The following SCYL2 variants were observed in gnomAD, a reference collection of about 807,000 sequenced individuals.
The protein encoded by SCYL2 is SCY1 like pseudokinase 2, also known as SCY1-like protein 2.
A neutral mutation model predicts 100.4 loss-of-function variants in SCYL2; 36 were observed. The ratio of observed to expected loss-of-function variants is 0.36; its 90% confidence interval spans 0.27 to 0.47. The LOEUF (loss-of-function observed/expected upper bound fraction) is 0.47, where lower values mean the gene tolerates loss of function less well. Ranked by LOEUF, SCYL2 falls within the 20% of genes least tolerant of loss-of-function variation. The pLI is 1.00. For synonymous variants in SCYL2, 330 were observed against 359.2 expected (o/e 0.92, Z 0.92); for missense variants, 902 against 1,083.9 (o/e 0.83, Z 2.36).
At position 100,317,938 on chromosome 12, in the gene SCYL2, A is replaced by G; in HGVS notation, c.1395+13A>G. ...CATTCAGATCCAGGTACAGTATCTG[A>G]TTTGTTTTTCTTTAATGATGATTTT... On this transcript the variant is annotated intron_variant, in intron 10 of 17. Transcript: ENST00000360820. 6.5e-7 allele frequency: 1 copy of G among 1,534,222 alleles called. No individual in the cohort carries two copies. Among genetic ancestry groups the G allele is most frequent in the African/African-American group, 1.4e-5 (1 of 71,514 alleles).
chr12:100,311,776 T>TA (rs1243290528), intron 5 of SCYL2, among the ~76,000 whole-genome samples: 1 of 152,232 alleles, frequency 6.6e-6, no homozygotes, highest in Non-Finnish European at 1.5e-5. Flanking sequence ...TGCCTATTCA[T>TA]ACTTAGAGAA....
At chr12:100,289,044 A>G (rs1336413799) in intron 2 of SCYL2, among the ~76,000 whole-genome samples, 1 of 152,164 alleles carries the variant, frequency 6.6e-6, no homozygotes, top group Non-Finnish European at 1.5e-5. Context: ...AAAATGTGTT[A>G]TAGCAGAAGA....
intron 6 of SCYL2, 36 bp from the exon 7 acceptor site, chr12:100,313,386 T>A: frequency 1.0e-6 from 1 of 965,398 alleles, no homozygotes; most frequent in Non-Finnish European, 1.6e-6. Context: ...TTTTAAATAT[T>A]TTATACTCAT....
At chr12:100,328,017 C>T (rs868165152) in intron 12 of SCYL2, among the ~76,000 whole-genome samples, 60 of 152,232 alleles carry the variant, frequency 3.9e-4, no homozygotes, top group African/African-American at 1.3e-3. Context: ...GTGGCTGACA[C>T]CTGTATTCCC....
intron 1 of SCYL2, among the ~76,000 whole-genome samples, chr12:100,269,295 C>T (rs895840867): frequency 3.3e-5 from 5 of 151,896 alleles, no homozygotes; most frequent in African/African-American, 1.2e-4. Flanking sequence ...TTTGGTTATG[C>T]TACTTCCTCT....
chr12:100,293,218 A>C (rs574677919), intron 3 of SCYL2, among the ~76,000 whole-genome samples: 2 of 152,238 alleles, frequency 1.3e-5, no homozygotes, highest in Admixed American at 6.5e-5. Context: ...CAGCCTATCA[A>C]GTAGCTGGGA....
intron 4 of SCYL2, among the ~76,000 whole-genome samples, chr12:100,301,648 G>A (rs138540749): frequency 5.6e-4 from 85 of 152,350 alleles, no homozygotes; most frequent in South Asian, 1.2e-3. Flanking sequence ...CTATGGTGCA[G>A]ATTAAGTCTG....
chr12:100,281,013 A>G (rs1171116871), intron 1 of SCYL2, among the ~76,000 whole-genome samples: 4 of 126,448 alleles, frequency 3.2e-5, no homozygotes, highest in African/African-American at 1.3e-4. Flanking sequence ...TCCCTTTACC[A>G]TCAGTGTTTT....
chr12:100,337,149 T>C (rs567032956), intron 16 of SCYL2, among the ~76,000 whole-genome samples: 5 of 152,296 alleles, frequency 3.3e-5, no homozygotes, highest in African/African-American at 4.8e-5. Flanking sequence ...TAATGAATGG[T>C]TTTAAAATAA....
chr12:100,335,790 A>G, intron 15 of SCYL2, 21 bp from the exon 16 acceptor site: 1 of 1,604,010 alleles, frequency 6.2e-7, no homozygotes, highest in Non-Finnish European at 8.5e-7. Context: ...TATTTAAATT[A>G]TTGACATTTT....
In SCYL2 at chr12:100,294,988, G is replaced by A. The variant is rs1267460277; in HGVS notation, c.336-3043G>A. 4.0e-5 allele frequency among the ~76,000 whole-genome samples: 6 copies of A among 151,770 alleles called. No individual in the cohort carries two copies. The East Asian group carries it at 9.9e-4, about 25-fold the overall frequency. On this transcript the variant is annotated intron_variant, in intron 3 of 17. Transcript: ENST00000360820. ...GTCTCCTCACTTCTCAGACGGGGTG[G>A]CCGGGCAGAGACGCTCCTCACCTCC... is the stretch of plus-strand genomic sequence containing the variant.
intron 3 of SCYL2, among the ~76,000 whole-genome samples, chr12:100,292,210 G>A (rs1016391874): frequency 1.3e-5 from 2 of 152,152 alleles, no homozygotes; most frequent in Non-Finnish European, 2.9e-5. Context: ...CAAGCTTGTG[G>A]CACTTTTAAT....
intron 11 of SCYL2, among the ~76,000 whole-genome samples, chr12:100,324,240 T>C (rs1042861182): frequency 2.6e-5 from 4 of 152,164 alleles, no homozygotes; most frequent in Admixed American, 6.5e-5. Context: ...CATTATCTCA[T>C]ATTGAAAGCA....
chr12:100,330,924 G>T (rs886777920), intron 13 of SCYL2, among the ~76,000 whole-genome samples: 69 of 151,184 alleles, frequency 4.6e-4, no homozygotes, highest in African/African-American at 1.7e-3. Flanking sequence ...CGCCTTCTTG[G>T]TTCAAGCAAT....
At chr12:100,286,633 G>T (rs2096304745) in intron 2 of SCYL2, among the ~76,000 whole-genome samples, 6 of 152,000 alleles carry the variant, frequency 3.9e-5, no homozygotes. Context: ...ATTATTATAT[G>T]ATAAATAATT....
chr12:100,298,262 AT>A, intron 4 of SCYL2, 87 bp downstream of exon 4: 1 of 969,102 alleles, frequency 1.0e-6, no homozygotes, highest in Non-Finnish European at 1.5e-6. Context: ...ATGTAAAACT[AT>A]TTTAGGTAAA....
chr12:100,335,578 A>G (rs1250589041), intron 14 of SCYL2, 47 bp from the exon 15 acceptor site: 1 of 1,376,506 alleles, frequency 7.3e-7, no homozygotes, highest in East Asian at 2.3e-5. Context: ...GTATTTAAAA[A>G]TATGCATTTC....
intron 4 of SCYL2, among the ~76,000 whole-genome samples, chr12:100,300,867 G>A (rs1462930488): frequency 6.6e-6 from 1 of 152,118 alleles, no homozygotes; most frequent in African/African-American, 2.4e-5. Context: ...TTATGTATAT[G>A]TACCATATTT....
chr12:100,315,698 A>T lies in SCYL2; in HGVS notation c.1236A>T (p.Glu412Asp), dbSNP rs1395296352. 19 of 1,611,260 alleles carry T rather than the reference A, an allele frequency of 1.2e-5. No homozygotes were observed. Among genetic ancestry groups the T allele is most frequent in the Non-Finnish European group, 1.6e-5 (19 of 1,178,646 alleles). Residue 412 changes from glutamate (E) to aspartate (D), a missense_variant, in exon 9 of 18, where the codon GAA becomes GAT. Transcript: ENST00000360820. Reference protein sequence around the residue: ...KEEYVKLILPELGPVFKQQEP... With the variant: ...KEEYVKLILPDLGPVFKQQEP... ...AATATGTCAAATTAATTCTTCCTGA[A>T]CTTGGCCCTGTGTTTAAGCAGCAGG...
Sources: gnomAD v4.1 joint callset for allele counts (sites outside exome capture counted in the v4.1 genomes callset) on GRCh38, gnomAD v4.1.1 for gene constraint, MANE v1.5 for transcripts, NCBI Gene and HGNC (gene_info 2026-07-23, HGNC 2026-07-21) for gene names.